Variants in OTOF observed in about 807,000 individuals in gnomAD.
OTOF encodes otoferlin.
A neutral mutation model predicts 236.8 loss-of-function variants in OTOF; 218 were observed. The observed-to-expected ratio is 0.92, with a 90% CI of 0.82 to 1.03. The LOEUF (loss-of-function observed/expected upper bound fraction) is 1.03, where lower values mean the gene tolerates loss of function less well. Ranked by LOEUF, OTOF falls within the 50% of genes least tolerant of loss-of-function variation. The pLI is 0.00. For synonymous variants in OTOF, 1,041 were observed against 1,072.5 expected (o/e 0.97, Z 0.57); for missense variants, 2,590 against 2,694.4 (o/e 0.96, Z 0.86).
intron 13 of OTOF, 68 bp from the exon 14 acceptor site, chr2:26,482,660 T>A (rs527631285): frequency 7.5e-6 from 10 of 1,338,012 alleles, no homozygotes; most frequent in African/African-American, 1.5e-5. Flanking sequence ...TGTGTGTGTG[T>A]GAGTGGGCGC....
At position 26,468,462 on chromosome 2, in the gene OTOF, GT is replaced by G; in HGVS notation, c.4035del (p.Gln1345HisfsTer21). 1.2e-6 allele frequency: 2 copies of G among 1,613,862 alleles called. No individual in the cohort carries two copies. The highest frequency in any genetic ancestry group is 1.7e-6 in the Non-Finnish European group (2 of 1,179,886). Reference protein sequence around the residue: ...SIDTMKEQLRQQEPSGIDLEE... With the variant: ...SIDTMKEQLRXQEPSGIDLEE... ...TCCAAGTCAATTCCAGAGGGCTCTT[GT>G]TGTCGAAGTTGCTGCCAAAAGATGA... On this transcript the variant is annotated frameshift_variant, in exon 33 of 47. Coordinates refer to ENST00000272371, the MANE Select transcript of OTOF (RefSeq NM_194248.3). LOFTEE classifies it high-confidence loss of function.
chr2:26,483,304 ACT>A (rs1665613884), intron 13 of OTOF, among the ~76,000 whole-genome samples, 156 bp downstream of exon 13: 1 of 151,784 alleles, frequency 6.6e-6, no homozygotes, highest in African/African-American at 2.4e-5. Flanking sequence ...CAGTCTAAGG[ACT>A]CCAGGAGGCA....
rs1558476148 is a variant in OTOF at position 26,470,650 on chromosome 2, GTCTGGCTCCTCCTCC to G, written c.3951_3965del (p.Glu1317_Pro1321del). ...TGGACCACCAGTCCAGCATGCTCTC[GTCTGGCTCCTCCTCC>G]TCTGGCTCCTCCGCAGTGCCCTTCT... On this transcript the variant is annotated inframe_deletion, in exon 32 of 47. Coordinates refer to ENST00000272371, the MANE Select transcript of OTOF (RefSeq NM_194248.3). The surrounding 1 kb of genome is among the most constrained non-coding windows in gnomAD (Gnocchi z 4.3). 2 of 1,614,120 alleles carry G rather than the reference GTCTGGCTCCTCCTCC, an allele frequency of 1.2e-6. No homozygotes were observed. Among genetic ancestry groups the G allele is most frequent in the Non-Finnish European group, 1.7e-6 (2 of 1,180,034 alleles).
At chr2:26,488,674 G>A (rs1324692524) in intron 11 of OTOF, among the ~76,000 whole-genome samples, 1 of 152,230 alleles carries the variant, frequency 6.6e-6, no homozygotes, top group African/African-American at 2.4e-5. Context: ...GAGGCTCTGG[G>A]GACACACAGC....
intron 36 of OTOF, among the ~76,000 whole-genome samples, 158 bp downstream of exon 36, chr2:26,466,556 C>T (rs1404525466): frequency 6.6e-5 from 10 of 152,148 alleles, no homozygotes; most frequent in Admixed American, 2.0e-4. Flanking sequence ...AGGCTGGTCT[C>T]GAACTCCTGA....
intron 1 of OTOF, among the ~76,000 whole-genome samples, chr2:26,541,843 G>C (rs1199108338): frequency 6.6e-6 from 1 of 152,206 alleles, no homozygotes. Context: ...GCATGGAAAG[G>C]CTGTTGTGGA....
In OTOF at chr2:26,540,822, G is replaced by A. The variant is rs1222306088; in HGVS notation, c.80-3048C>T. On this transcript the variant is annotated intron_variant, in intron 1 of 46. Transcript: ENST00000272371. ...AAGCAGAAGCTATCTATACGGCAAAGAGATGTGAAGTAAACATGATGGGAA... is the reference window on the plus strand; with the variant it reads ...AAGCAGAAGCTATCTATACGGCAAAAAGATGTGAAGTAAACATGATGGGAA... Among the ~76,000 whole-genome samples, 3 of 152,284 alleles carry A rather than the reference G, an allele frequency of 2.0e-5. No individual in the cohort carries two copies. In the East Asian group the frequency reaches 5.8e-4, roughly 29 times the overall value.
chr2:26,482,575 C>T lies in OTOF; in HGVS notation c.1410G>A (p.Gln470=), dbSNP rs1572438126. 6.2e-7 allele frequency: 1 copy of T among 1,613,206 alleles called. No individual in the cohort carries two copies. Among genetic ancestry groups the T allele is most frequent in the Admixed American group, 1.7e-5 (1 of 60,014 alleles). ...TCCACAGGGGCTCATAGCTGCTCTT[C>T]TGCACTGAAGTCTTGCCCTGGTGGA... is the stretch of plus-strand genomic sequence containing the variant. ...FAGQKGKTSV[Q]KSSYEPLWNE... The change falls in exon 14 of 47, where the codon CAG becomes CAA. Residue 470 remains glutamine (Q), a synonymous_variant. Coordinates refer to ENST00000272371, the MANE Select transcript of OTOF (RefSeq NM_194248.3).
intron 2 of OTOF, among the ~76,000 whole-genome samples, chr2:26,528,975 C>T (rs1178584224): frequency 6.6e-6 from 1 of 152,228 alleles, no homozygotes; most frequent in Non-Finnish European, 1.5e-5. Context: ...GGAGCCCAGC[C>T]TGCCACTGTT....
chr2:26,490,473 C>G (rs1043516831), intron 9 of OTOF, among the ~76,000 whole-genome samples: 3 of 152,192 alleles, frequency 2.0e-5, no homozygotes, highest in African/African-American at 7.2e-5. Context: ...ATCTCTTCCC[C>G]TGGCCTGGGT....
At chr2:26,525,050 C>T (rs554573919) in intron 3 of OTOF, among the ~76,000 whole-genome samples, 1 of 152,320 alleles carries the variant, frequency 6.6e-6, no homozygotes. Flanking sequence ...GTCACACCCT[C>T]ATGGTATCTC....
chr2:26,540,536 C>T (rs1340949858), intron 1 of OTOF, among the ~76,000 whole-genome samples: 1 of 152,222 alleles, frequency 6.6e-6, no homozygotes, highest in African/African-American at 2.4e-5. Flanking sequence ...ACTGACCTCT[C>T]TCCTCTGTCA....
chr2:26,550,787 T>TCCTCA (rs1215452907), intron 1 of OTOF, among the ~76,000 whole-genome samples: 2 of 152,068 alleles, frequency 1.3e-5, no homozygotes, highest in South Asian at 4.1e-4. Flanking sequence ...CTGCCCGCAG[T>TCCTCA]CCTCACCTCT....
intron 36 of OTOF, 47 bp downstream of exon 36, chr2:26,466,667 G>A: frequency 6.2e-7 from 1 of 1,610,380 alleles, no homozygotes; most frequent in Non-Finnish European, 8.5e-7. Flanking sequence ...TCTCCCAGAT[G>A]GGAGGATGAG....
In OTOF at chr2:26,458,061, G is replaced by C; in HGVS notation, c.*177C>G. 1.2e-6 allele frequency: 2 copies of C among 1,613,650 alleles called. No individual in the cohort carries two copies. The highest frequency in any genetic ancestry group is 1.7e-6 in the Non-Finnish European group (2 of 1,179,670). On this transcript the variant is annotated 3_prime_UTR_variant, in exon 47 of 47. Transcript: ENST00000272371. ...GCCTTCATGCCCCAAGGAGCTTTTT[G>C]ACCATGTAGCCAGGGAGGCTGTAGA... is the stretch of plus-strand genomic sequence containing the variant.
At chr2:26,547,815 T>A (rs1667370326) in intron 1 of OTOF, among the ~76,000 whole-genome samples, 2 of 152,172 alleles carry the variant, frequency 1.3e-5, no homozygotes, top group Non-Finnish European at 2.9e-5. Context: ...CACTCCAGCC[T>A]GGGTGACAGT....
intron 5 of OTOF, among the ~76,000 whole-genome samples, chr2:26,512,285 A>C (rs1214032880): frequency 6.6e-6 from 1 of 152,216 alleles, no homozygotes; most frequent in Non-Finnish European, 1.5e-5. Context: ...GCAAGACTAA[A>C]GCTGGGATTT....
At chr2:26,529,583 C>T (rs1393440345) in intron 2 of OTOF, among the ~76,000 whole-genome samples, 5 of 152,144 alleles carry the variant, frequency 3.3e-5, no homozygotes, top group Non-Finnish European at 5.9e-5. Flanking sequence ...CCACCCTGCA[C>T]GTTTGCCATT....
At chr2:26,478,801 C>A (rs780081819) in intron 18 of OTOF, among the ~76,000 whole-genome samples, 1 of 152,206 alleles carries the variant, frequency 6.6e-6, no homozygotes, top group Non-Finnish European at 1.5e-5. Flanking sequence ...CGGGTTCAAG[C>A]GATTCTCCTG....
Sources: allele counts gnomAD v4.1 joint callset (sites outside exome capture counted in the v4.1 genomes callset), GRCh38; gene constraint gnomAD v4.1.1; non-coding constraint Gnocchi (gnomAD v3.1); transcripts MANE v1.5; gene names NCBI Gene and HGNC (gene_info 2026-07-23, HGNC 2026-07-21).